RREB1: variants seen among roughly 807,000 people sequenced by gnomAD.
RREB1 encodes ras responsive element binding protein 1.
In RREB1, 27 loss-of-function variants were observed where a neutral mutation model predicts 117.8. The ratio of observed to expected loss-of-function variants is 0.23; its 90% CI spans 0.17 to 0.32. The LOEUF (loss-of-function observed/expected upper bound fraction) is 0.32. Among genes scored for constraint, RREB1 ranks in the 10% least tolerant of loss-of-function variants. RREB1 has a pLI of 1.00. For missense variants in RREB1, 2,577 were observed against 2,378.2 expected (o/e 1.08, Z -1.74); for synonymous variants, 1,298 against 1,026.7 (o/e 1.26, Z -5.05).
At chr6:7,191,507 A>G (rs532551725) in intron 6 of RREB1, among the ~76,000 whole-genome samples, 1 of 152,178 alleles carries the variant, frequency 6.6e-6, no homozygotes, top group Non-Finnish European at 1.5e-5. Flanking sequence ...GCTGGGTCAT[A>G]TGGTAAATCC....
chr6:7,166,994 A>AT (rs1228815874), intron 1 of RREB1, among the ~76,000 whole-genome samples: 3 of 152,186 alleles, frequency 2.0e-5, no homozygotes, highest in African/African-American at 4.8e-5. Context: ...AGATACTTAG[A>AT]TTCACTTCAG....
At chr6:7,137,029 G>A (rs371607676) in intron 1 of RREB1, among the ~76,000 whole-genome samples, 4 of 152,198 alleles carry the variant, frequency 2.6e-5, no homozygotes, top group South Asian at 2.1e-4. Context: ...GATGTTCTTC[G>A]AGAAGATGGA....
chr6:7,221,257 T>C (rs59093101), intron 8 of RREB1, among the ~76,000 whole-genome samples: 7,209 of 151,890 alleles, frequency 0.047, 556 homozygotes, highest in African/African-American at 0.16. Context: ...CAAGCTCCGC[T>C]TCCCGGGTTC....
intron 6 of RREB1, among the ~76,000 whole-genome samples, chr6:7,210,598 G>T (rs183647590): frequency 6.6e-5 from 10 of 152,330 alleles, no homozygotes; most frequent in Admixed American, 1.3e-4. Flanking sequence ...ATTAAGCAAC[G>T]CTTTTGGACA....
intron 5 of RREB1, among the ~76,000 whole-genome samples, chr6:7,188,442 G>A (rs1332888494): frequency 1.3e-5 from 2 of 151,966 alleles, no homozygotes; most frequent in Admixed American, 6.6e-5. Flanking sequence ...TAGTAGAGAC[G>A]GGGTTTCAGC....
At chr6:7,151,080 A>T (rs1763100740) in intron 1 of RREB1, among the ~76,000 whole-genome samples, 2 of 151,882 alleles carry the variant, frequency 1.3e-5, no homozygotes, top group South Asian at 2.1e-4. Context: ...TTCAGTTAAT[A>T]CTCTTGATGC....
intron 1 of RREB1, among the ~76,000 whole-genome samples, chr6:7,134,123 A>G (rs1762258434): frequency 6.6e-6 from 1 of 152,242 alleles, no homozygotes; most frequent in Non-Finnish European, 1.5e-5. Context: ...TCTAGGTTAC[A>G]TGAAACCAAC....
At chr6:7,159,617 T>G (rs1442965771) in intron 1 of RREB1, among the ~76,000 whole-genome samples, 1 of 152,228 alleles carries the variant, frequency 6.6e-6, no homozygotes, top group Non-Finnish European at 1.5e-5. Context: ...ATGGTTTATC[T>G]CATCTCATCT....
Position 7,230,664 on chromosome 6 carries a change from C to G in RREB1, c.2565C>G (p.Asp855Glu), listed in dbSNP as rs757903299. 6 of 1,596,054 alleles carry G rather than the reference C, an allele frequency of 3.8e-6. No homozygotes were observed. In the South Asian group the frequency reaches 5.6e-5, roughly 15 times the overall value. ...ACAGTGGCTGCGCTGCCCTTGGTGA[C>G]TGCAAGCCCCTCACTGCCTTCCTGG... is the stretch of plus-strand genomic sequence containing the variant. ...GEDSGCAALG[D>E]CKPLTAFLEP... The change falls in exon 10 of 13, where the codon GAC becomes GAG. Residue 855 changes from aspartate to glutamate, a missense_variant. Asp to Glu is a conservative substitution (Grantham distance 45). Coordinates refer to ENST00000379938, the MANE Select transcript of RREB1 (RefSeq NM_001003699.4).
chr6:7,198,244 C>G (rs1765764381), intron 6 of RREB1, among the ~76,000 whole-genome samples: 1 of 152,166 alleles, frequency 6.6e-6, no homozygotes, highest in South Asian at 2.1e-4. Context: ...TCACCAGGTC[C>G]CTGTCCCTCT....
intron 1 of RREB1, among the ~76,000 whole-genome samples, chr6:7,167,579 T>TG (rs1343296563): frequency 1.1e-4 from 16 of 152,140 alleles, no homozygotes; most frequent in Non-Finnish European, 2.4e-4. Context: ...GGTCTCGAAC[T>TG]CCTGACCTCA....
intron 4 of RREB1, chr6:7,183,264 C>A (rs986313889): frequency 1.3e-5 from 2 of 152,186 alleles, no homozygotes; most frequent in African/African-American, 4.8e-5. Context: ...AGAAAATACT[C>A]AGCCTGTATG....
chr6:7,148,544 G>A (rs553646310), intron 1 of RREB1, among the ~76,000 whole-genome samples: 1 of 150,080 alleles, frequency 6.7e-6, no homozygotes, highest in Admixed American at 6.6e-5. Flanking sequence ...AAGTAAAGTG[G>A]GGGGGGGTGG....
intron 1 of RREB1, among the ~76,000 whole-genome samples, chr6:7,127,830 C>T (rs1343987789): frequency 2.6e-5 from 4 of 152,126 alleles, no homozygotes; most frequent in South Asian, 2.1e-4. Flanking sequence ...CATGTGCCCT[C>T]ATCTGGGTCA....
At chr6:7,214,470 T>C (rs1319758398) in intron 8 of RREB1, 1 of 152,340 alleles carries the variant, frequency 6.6e-6, no homozygotes, top group Non-Finnish European at 1.5e-5. Flanking sequence ...TATCTATAAT[T>C]GTTGCTAGAT....
chr6:7,210,915 G>A lies in RREB1; in HGVS notation c.537G>A (p.Glu179=). The A allele has an allele frequency of 6.2e-7, 1 of 1,614,172 alleles. No individual in the cohort carries two copies. Among genetic ancestry groups the A allele is most frequent in the Middle Eastern group, 1.7e-4 (1 of 6,060 alleles). ...SSKRKLSHDA[E]SEREDPAPAK... is the part of the protein sequence containing the mutation. Reference sequence around the variant, plus strand: ...AGAGGAAACTGAGTCACGATGCCGAGTCAGAGAGAGAAGACCCAGCACCAG... The same window carrying A: ...AGAGGAAACTGAGTCACGATGCCGAATCAGAGAGAGAAGACCCAGCACCAG... The change falls in exon 7 of 13, where the codon GAG becomes GAA. Residue 179 remains glutamate, a synonymous_variant. Coordinates refer to ENST00000379938, the MANE Select transcript of RREB1 (RefSeq NM_001003699.4).
intron 10 of RREB1, 49 bp from the exon 11 acceptor site, chr6:7,240,386 ATTT>A (rs1768625459): frequency 6.0e-6 from 9 of 1,497,570 alleles, no homozygotes; most frequent in Non-Finnish European, 8.2e-6. Context: ...CGACTTTTCT[ATTT>A]CATTGCAGTA....
intron 6 of RREB1, 36 bp from the exon 7 acceptor site, chr6:7,210,768 G>A (rs776273702): frequency 6.4e-7 from 1 of 1,560,388 alleles, no homozygotes; most frequent in South Asian, 1.2e-5. Flanking sequence ...TGACTTCTTT[G>A]TTAGATCACA....
In RREB1 at chr6:7,246,660, G is replaced by A. The variant is rs770961038; in HGVS notation, c.4210G>A (p.Asp1404Asn). 4 of 1,577,742 alleles carry A rather than the reference G, an allele frequency of 2.5e-6. No homozygotes were observed. Among genetic ancestry groups the A allele is most frequent in the Admixed American group, 1.8e-5 (1 of 55,022 alleles). Residue 1404 changes from aspartate (D) to asparagine (N), a missense_variant, in exon 12 of 13, where the codon GAC becomes AAC. Coordinates refer to ENST00000379938, the MANE Select transcript of RREB1 (RefSeq NM_001003699.4). ...CACTGAGGAGAGCACTGGGGACGCC[G>A]ACGGCGCGGAAGAGGACGCGTCGAG... Reference protein sequence around the residue: ...HGTEESTGDADGAEEDASSNQ... With the variant: ...HGTEESTGDANGAEEDASSNQ...
Sources: allele counts gnomAD v4.1 joint callset (sites outside exome capture counted in the v4.1 genomes callset), GRCh38; gene constraint gnomAD v4.1.1; transcripts MANE v1.5; gene names NCBI Gene and HGNC (gene_info 2026-07-23, HGNC 2026-07-21).